The following CEP63 variants were observed in gnomAD, a reference collection of about 807,000 sequenced individuals.
The protein encoded by CEP63 is centrosomal protein of 63 kDa.
In CEP63, 84 loss-of-function variants were observed where a neutral mutation model predicts 89.1. That is an observed-to-expected ratio of 0.94 (90% CI 0.79 to 1.13). CEP63 has a LOEUF of 1.13. Among genes scored for constraint, CEP63 ranks in the 50% most tolerant of loss-of-function variants. The pLI, the probability that CEP63 is intolerant of heterozygous loss-of-function variation, is 0.00. For missense variants in CEP63, 838 were observed against 813.3 expected (o/e 1.03, Z -0.37); for synonymous variants, 267 against 272.5 (o/e 0.98, Z 0.20).
chr3:134,559,409 C>G lies in CEP63; in HGVS notation c.1933C>G (p.Gln645Glu), dbSNP rs200642598. ...CACTATGTCTGAGAGTATGAATGAC[C>G]AAGAAGAGTTTATATCTTCGGTATG... is the stretch of plus-strand genomic sequence containing the variant. The part of the protein sequence containing the change: ...SDTMSESMND[Q>E]EEFISSCSLP... Residue 645 changes from glutamine (Q) to glutamate (E), a missense_variant, in exon 14 of 15, where the codon CAA becomes GAA. By Grantham distance (29) the Gln-to-Glu change is conservative. Transcript: ENST00000675561. 5.1e-5 allele frequency: 82 copies of G among 1,613,446 alleles called. No homozygotes were observed. Among genetic ancestry groups the G allele is most frequent in the Middle Eastern group, 3.3e-4 (2 of 6,084 alleles).
chr3:134,679,629 C>G, the CEP63 span, among the ~76,000 whole-genome samples: 1 of 152,210 alleles, frequency 6.6e-6, no homozygotes, highest in African/African-American at 2.4e-5. Flanking sequence ...TCCAGTACCT[C>G]AGACTTGACT....
At chr3:134,514,173 AT>A (rs1299951363) in intron 3 of CEP63, among the ~76,000 whole-genome samples, 1 of 152,206 alleles carries the variant, frequency 6.6e-6, no homozygotes, top group Non-Finnish European at 1.5e-5. Flanking sequence ...TGTAAAAAAA[AT>A]GAGTGGAAAT....
chr3:134,532,904 T>A lies in CEP63; in HGVS notation c.441+4T>A. Reference sequence around the variant, plus strand: ...GAGGTTAACTGCAAAAATAGAGGTATGTTCATAGTAATAATTTGTTCATAG... The same window carrying A: ...GAGGTTAACTGCAAAAATAGAGGTAAGTTCATAGTAATAATTTGTTCATAG... On this transcript the variant is annotated splice_donor_region_variant and intron_variant, in intron 5 of 14. Transcript: ENST00000675561. 3.1e-6 allele frequency: 5 copies of A among 1,613,386 alleles called. No homozygotes were observed. The highest frequency in any genetic ancestry group is 4.2e-6 in the Non-Finnish European group (5 of 1,179,612).
At chr3:134,648,247 C>T in the CEP63 span, among the ~76,000 whole-genome samples, 5 of 152,182 alleles carry the variant, frequency 3.3e-5, no homozygotes, top group Non-Finnish European at 7.3e-5. Context: ...GTTGGTGCTG[C>T]TTACGGTACT....
At chr3:134,715,891 T>C in the CEP63 span, among the ~76,000 whole-genome samples, 1 of 152,230 alleles carries the variant, frequency 6.6e-6, no homozygotes, top group Admixed American at 6.5e-5. Flanking sequence ...ATTAAATTGT[T>C]GTCTCCTATT....
chr3:134,590,098 TG>T (rs1958570990), downstream of CEP63, among the ~76,000 whole-genome samples: 1 of 151,688 alleles, frequency 6.6e-6, no homozygotes, highest in African/African-American at 2.4e-5. Context: ...GGATGGAGGG[TG>T]GGAGGAGGGT....
the CEP63 span, among the ~76,000 whole-genome samples, chr3:134,643,815 T>A: frequency 1.3e-5 from 2 of 149,454 alleles, no homozygotes; most frequent in Non-Finnish European, 3.0e-5. Context: ...GACTCCCAGT[T>A]GAGTCTCCTG....
the CEP63 span, chr3:134,610,372 A>G: frequency 1.9e-6 from 3 of 1,610,638 alleles, no homozygotes; most frequent in African/African-American, 4.0e-5. Flanking sequence ...CATACACTGC[A>G]CTCCGGCGAG....
rs368324925 is a variant in CEP63 at position 134,547,318 on chromosome 3, C to T, written c.930-17C>T. On this transcript the variant is annotated splice_polypyrimidine_tract_variant and intron_variant, in intron 8 of 14. Coordinates refer to ENST00000675561, the MANE Select transcript of CEP63 (RefSeq NM_001353108.3). ...CAGAGATAAAGGCGTTAACAATCAT[C>T]CTATGTCTTTCCATAGGCCACGGGA... The T allele has an allele frequency of 3.1e-6, 5 of 1,611,628 alleles. No individual in the cohort carries two copies. In the African/African-American group the frequency reaches 5.3e-5, roughly 17 times the overall value.
chr3:134,692,135 G>A, the CEP63 span, among the ~76,000 whole-genome samples: 1 of 151,720 alleles, frequency 6.6e-6, no homozygotes, highest in African/African-American at 2.4e-5. Flanking sequence ...TATACTTAAA[G>A]TTCTAGGGTA....
At chr3:134,759,202 C>T in the CEP63 span, among the ~76,000 whole-genome samples, 1 of 152,216 alleles carries the variant, frequency 6.6e-6, no homozygotes, top group Admixed American at 6.5e-5. Flanking sequence ...TTTTAAGCCA[C>T]TAAGCGTGTG....
At chr3:134,629,691 T>C in the CEP63 span, 1 of 1,587,932 alleles carries the variant, frequency 6.3e-7, no homozygotes, top group African/African-American at 1.3e-5. Context: ...CAGTCAGTTG[T>C]GTCCCTACAA....
chr3:134,663,213 G>C, the CEP63 span, among the ~76,000 whole-genome samples: 1 of 152,180 alleles, frequency 6.6e-6, no homozygotes, highest in African/African-American at 2.4e-5. Context: ...GGTCCACCCC[G>C]TGCTCATTGC....
chr3:134,619,042 G>A, the CEP63 span: 4 of 897,582 alleles, frequency 4.5e-6, no homozygotes, highest in African/African-American at 1.6e-5. Flanking sequence ...AGCAGAGTTT[G>A]TAAACTCAGG....
the CEP63 span, among the ~76,000 whole-genome samples, chr3:134,639,631 A>G: frequency 6.6e-6 from 1 of 152,076 alleles, no homozygotes; most frequent in African/African-American, 2.4e-5. Context: ...AGAAGCCTCA[A>G]CAGAAAACTG....
At chr3:134,617,534 A>G in the CEP63 span, among the ~76,000 whole-genome samples, 1 of 152,240 alleles carries the variant, frequency 6.6e-6, no homozygotes, top group Non-Finnish European at 1.5e-5. Context: ...CACAGAACAC[A>G]GTCTGGAAAG....
the CEP63 span, among the ~76,000 whole-genome samples, chr3:134,749,901 C>T: frequency 2.0e-5 from 3 of 152,042 alleles, no homozygotes; most frequent in African/African-American, 7.2e-5. Context: ...ACTGGTAGAG[C>T]AGGTGCCTGA....
intron 3 of CEP63, among the ~76,000 whole-genome samples, chr3:134,519,911 T>C (rs7356093): frequency 0.67 from 101,045 of 151,940 alleles, 34,013 homozygotes; most frequent in East Asian, 0.82. Context: ...CTTAGAAAAT[T>C]AGAAATGTTA....
the CEP63 span, among the ~76,000 whole-genome samples, chr3:134,742,889 C>T: frequency 6.1e-4 from 93 of 152,290 alleles, no homozygotes; most frequent in African/African-American, 2.2e-3. Context: ...AATAAATTTA[C>T]GTTCATTATA....
Sources: allele counts gnomAD v4.1 joint callset (sites outside exome capture counted in the v4.1 genomes callset), GRCh38; gene constraint gnomAD v4.1.1; transcripts MANE v1.5; gene names NCBI Gene and HGNC (gene_info 2026-07-23, HGNC 2026-07-21).